CDH12: variants seen among roughly 807,000 people sequenced by gnomAD.
The protein encoded by CDH12 is cadherin 12.
CDH12 carries 41 observed loss-of-function variants against 74.1 expected under a neutral mutation model. The observed-to-expected ratio is 0.55, with a 90% CI of 0.43 to 0.72. CDH12 has a LOEUF of 0.72. Among genes scored for constraint, CDH12 ranks in the 30% least tolerant of loss-of-function variants. The pLI is 0.00. For synonymous variants in CDH12, 399 were observed against 355.0 expected (o/e 1.12, Z -1.39); for missense variants, 945 against 977.2 (o/e 0.97, Z 0.44).
intron 5 of CDH12, among the ~76,000 whole-genome samples, chr5:22,028,794 GCAT>G (rs1451431720): frequency 6.6e-6 from 1 of 152,104 alleles, no homozygotes; most frequent in Admixed American, 6.6e-5. Context: ...AAAAGAGCCC[GCAT>G]CATCAAGACA....
intron 3 of CDH12, among the ~76,000 whole-genome samples, chr5:22,374,314 A>C (rs1324680222): frequency 2.0e-5 from 3 of 152,152 alleles, no homozygotes; most frequent in Middle Eastern, 6.3e-3. Context: ...ATACCTCAAA[A>C]TAATAAAGAC....
At chr5:22,752,338 A>G (rs2127036489) in intron 1 of CDH12, among the ~76,000 whole-genome samples, 1 of 151,910 alleles carries the variant, frequency 6.6e-6, no homozygotes, top group South Asian at 2.1e-4. Flanking sequence ...TTCAATAATT[A>G]GGCTTTCAAA....
At chr5:22,489,932 G>A (rs1418505775) in intron 2 of CDH12, among the ~76,000 whole-genome samples, 4 of 151,832 alleles carry the variant, frequency 2.6e-5, no homozygotes, top group Non-Finnish European at 4.4e-5. Flanking sequence ...ATCCTGCCTC[G>A]GCCTCCCAAA....
In CDH12 at chr5:22,595,905, G is replaced by A. The variant is rs1029775595; in HGVS notation, c.-522-90541C>T. Among the ~76,000 whole-genome samples the A allele has an allele frequency of 3.7e-4, 56 of 151,342 alleles. 1 individual carries two copies. Among genetic ancestry groups the A allele is most frequent in the Non-Finnish European group, 7.2e-4 (49 of 67,856 alleles). ...ATCCTGGCTAACACGGTGAAACCCC[G>A]TCTCTACTAAAAATAAATAAATAAA... On this transcript the variant is annotated intron_variant, in intron 1 of 14. Coordinates refer to ENST00000382254, the MANE Select transcript of CDH12 (RefSeq NM_004061.5).
chr5:22,205,492 T>C (rs1465754898), intron 4 of CDH12, among the ~76,000 whole-genome samples: 2 of 152,296 alleles, frequency 1.3e-5, no homozygotes, highest in African/African-American at 2.4e-5. Flanking sequence ...GATGGTAATA[T>C]AAATTATCCA....
chr5:22,026,848 G>T (rs1362441735), intron 5 of CDH12, among the ~76,000 whole-genome samples: 1 of 152,098 alleles, frequency 6.6e-6, no homozygotes, highest in Non-Finnish European at 1.5e-5. Context: ...TGCAGCAAAG[G>T]TTAGAACCTG....
chr5:22,679,934 A>T (rs1741404652), intron 1 of CDH12, among the ~76,000 whole-genome samples: 1 of 152,138 alleles, frequency 6.6e-6, no homozygotes, highest in Non-Finnish European at 1.5e-5. Context: ...ACACCAGATC[A>T]CATGTCTGTA....
chr5:22,654,885 C>T (rs569224182), intron 1 of CDH12, among the ~76,000 whole-genome samples: 2 of 152,238 alleles, frequency 1.3e-5, no homozygotes, highest in South Asian at 4.1e-4. Context: ...CCTGCCTCAG[C>T]CTCTCAACGT....
chr5:22,424,649 G>A (rs1354043056), intron 2 of CDH12, among the ~76,000 whole-genome samples: 1 of 152,008 alleles, frequency 6.6e-6, no homozygotes, highest in East Asian at 1.9e-4. Flanking sequence ...CCCTCTTCAC[G>A]GACTCTTCAG....
At chr5:21,979,668 T>C (rs2150126113) in intron 5 of CDH12, among the ~76,000 whole-genome samples, 1 of 152,302 alleles carries the variant, frequency 6.6e-6, no homozygotes. Context: ...GATTTTATTT[T>C]CATTTGTCAT....
intron 5 of CDH12, among the ~76,000 whole-genome samples, chr5:22,075,684 C>T (rs942993816): frequency 6.6e-5 from 10 of 151,896 alleles, no homozygotes; most frequent in South Asian, 4.2e-4. Flanking sequence ...AGCTTTGGGT[C>T]AACAGAAGGC....
chr5:22,382,649 C>T (rs991648662), intron 3 of CDH12, among the ~76,000 whole-genome samples: 2 of 152,014 alleles, frequency 1.3e-5, no homozygotes, highest in African/African-American at 4.8e-5. Flanking sequence ...TCTTAGGAGG[C>T]AGTGAAGGCC....
At chr5:22,215,041 A>T (rs762008896) in intron 3 of CDH12, among the ~76,000 whole-genome samples, 2 of 152,238 alleles carry the variant, frequency 1.3e-5, no homozygotes, top group Admixed American at 1.3e-4. Context: ...ACTGTCTATT[A>T]CATGCTTGCT....
intron 2 of CDH12, among the ~76,000 whole-genome samples, chr5:22,462,818 G>A (rs1561423216): frequency 1.3e-5 from 2 of 152,074 alleles, no homozygotes; most frequent in Non-Finnish European, 2.9e-5. Context: ...CAACAATAAG[G>A]TGTCCACTAA....
At chr5:22,851,388 G>GATT (rs1229064540) in intron 1 of CDH12, among the ~76,000 whole-genome samples, 1 of 152,104 alleles carries the variant, frequency 6.6e-6, no homozygotes, top group Non-Finnish European at 1.5e-5. Flanking sequence ...AGCAAGCAGA[G>GATT]ATTAACTGAA....
chr5:21,858,584 C>T (rs376517051), intron 6 of CDH12, among the ~76,000 whole-genome samples: 129 of 151,920 alleles, frequency 8.5e-4, no homozygotes, highest in African/African-American at 2.8e-3. Flanking sequence ...ATGCACAGAA[C>T]GATTTAATAG....
intron 3 of CDH12, among the ~76,000 whole-genome samples, chr5:22,354,187 T>C (rs918117498): frequency 3.3e-5 from 5 of 152,042 alleles, no homozygotes; most frequent in African/African-American, 7.2e-5. Context: ...GGAAAGTAGG[T>C]GGGGAATAAT....
At chr5:22,283,221 T>C in intron 3 of CDH12, among the ~76,000 whole-genome samples, 1 of 57,514 alleles carries the variant, frequency 1.7e-5, no homozygotes, top group South Asian at 5.8e-4. Flanking sequence ...TATATAGATA[T>C]ATATATATAT....
At chr5:22,698,238 C>T (rs1238760461) in intron 1 of CDH12, among the ~76,000 whole-genome samples, 1 of 150,124 alleles carries the variant, frequency 6.7e-6, no homozygotes, top group African/African-American at 2.5e-5. Context: ...TCTCCTGCCT[C>T]AGCCTCCCAA....
Sources: allele counts gnomAD v4.1 joint callset (sites outside exome capture counted in the v4.1 genomes callset), GRCh38; gene constraint gnomAD v4.1.1; transcripts MANE v1.5; gene names NCBI Gene and HGNC (gene_info 2026-07-23, HGNC 2026-07-21).